The following PLXNA4 variants were observed in gnomAD, a reference collection of about 807,000 sequenced individuals.
The protein encoded by PLXNA4 is plexin-A4.
In PLXNA4, 44 loss-of-function variants were observed where a neutral mutation model predicts 191.8. The observed-to-expected ratio is 0.23, with a 90% CI of 0.18 to 0.29. The LOEUF (loss-of-function observed/expected upper bound fraction) is 0.29, where lower values mean the gene tolerates loss of function less well. Ranked by LOEUF, PLXNA4 falls within the 10% of genes least tolerant of loss-of-function variation. The pLI is 1.00. For missense variants in PLXNA4, 1,800 were observed against 2,488.8 expected, an observed-to-expected ratio of 0.72 and a Z score of 5.89; for synonymous variants, 1,082 against 1,009.5, an observed-to-expected ratio of 1.07 and a Z score of -1.36.
intron 21 of PLXNA4, among the ~76,000 whole-genome samples, chr7:132,170,400 T>C (rs1032263889): frequency 1.3e-5 from 2 of 152,072 alleles, no homozygotes; most frequent in Admixed American, 6.6e-5. Context: ...CCAGGGACCA[T>C]GATGTAAACT....
At chr7:132,323,255 A>T (rs1055713402) in intron 3 of PLXNA4, among the ~76,000 whole-genome samples, 15 of 152,236 alleles carry the variant, frequency 9.9e-5, no homozygotes, top group Admixed American at 9.2e-4. Flanking sequence ...CAACAGACAG[A>T]TGCCCTGGTG....
intron 1 of PLXNA4, among the ~76,000 whole-genome samples, chr7:132,548,480 C>T (rs1056893750): frequency 4.6e-5 from 7 of 152,114 alleles, no homozygotes; most frequent in South Asian, 2.1e-4. Context: ...CAGTGAGAGA[C>T]GCTGCCAGGC....
At chr7:132,641,632 C>T (rs536137714) in intron 2 of PLXNA4, among the ~76,000 whole-genome samples, 15 of 152,282 alleles carry the variant, frequency 9.9e-5, no homozygotes, top group African/African-American at 3.6e-4. Flanking sequence ...GTGATCTTAT[C>T]TTTCGAATAA....
chr7:132,559,729 A>G (rs991483381), intron 1 of PLXNA4, among the ~76,000 whole-genome samples: 2 of 152,246 alleles, frequency 1.3e-5, no homozygotes, highest in African/African-American at 2.4e-5. Flanking sequence ...TACATCTCCT[A>G]CAACAAATGA....
chr7:132,577,392 C>A, upstream of PLXNA4: 1 of 150,252 alleles, frequency 6.7e-6, no homozygotes, highest in South Asian at 2.0e-4. Context: ...CCCGCCCTCC[C>A]TGCTTCCCTT....
At chr7:132,353,604 T>A (rs1296752185) in intron 3 of PLXNA4, among the ~76,000 whole-genome samples, 2 of 152,152 alleles carry the variant, frequency 1.3e-5, no homozygotes, top group Non-Finnish European at 2.9e-5. Flanking sequence ...ATGTTGACTT[T>A]CCTGAAGCTC....
chr7:132,562,073 T>C (rs1441253993), intron 1 of PLXNA4, among the ~76,000 whole-genome samples: 77 of 58,146 alleles, frequency 1.3e-3, no homozygotes, highest in East Asian at 2.7e-3. Context: ...TCTCCTCCTC[T>C]TCCTCCTCCT....
chr7:132,228,294 G>A (rs1798400718), intron 6 of PLXNA4, 52 bp downstream of exon 6: 2 of 1,609,198 alleles, frequency 1.2e-6, no homozygotes, highest in Admixed American at 3.3e-5. Flanking sequence ...TTTAGTGAGG[G>A]GAGAGTTTTC....
intron 14 of PLXNA4, among the ~76,000 whole-genome samples, chr7:132,189,015 A>AG (rs1796995620): frequency 8.5e-5 from 7 of 82,056 alleles, no homozygotes; most frequent in Non-Finnish European, 1.0e-4. Context: ...AGAGAGAGAG[A>AG]GAGAGAGAGA....
intron 21 of PLXNA4, among the ~76,000 whole-genome samples, chr7:132,174,319 T>G (rs2116695301): frequency 6.6e-6 from 1 of 152,276 alleles, no homozygotes; most frequent in Admixed American, 6.5e-5. Flanking sequence ...TCATTCACAT[T>G]TCCACCCCAC....
chr7:132,258,002 G>A (rs964855615), intron 4 of PLXNA4, among the ~76,000 whole-genome samples: 3 of 152,252 alleles, frequency 2.0e-5, no homozygotes, highest in Non-Finnish European at 4.4e-5. Context: ...CTGAGATGGA[G>A]GGTGTAGCTG....
chr7:132,390,515 T>C (rs540964768), intron 3 of PLXNA4, among the ~76,000 whole-genome samples: 13 of 152,046 alleles, frequency 8.6e-5, no homozygotes, highest in South Asian at 4.2e-4. Flanking sequence ...TGTATACCTA[T>C]GTAACAAACC....
At chr7:132,635,552 G>A (rs953012632) in intron 2 of PLXNA4, among the ~76,000 whole-genome samples, 1 of 152,108 alleles carries the variant, frequency 6.6e-6, no homozygotes, top group Non-Finnish European at 1.5e-5. Flanking sequence ...AAAACAATGT[G>A]AGCTGACATT....
chr7:132,141,763 T>G (rs1157896228), intron 29 of PLXNA4, among the ~76,000 whole-genome samples: 1 of 152,144 alleles, frequency 6.6e-6, no homozygotes, highest in African/African-American at 2.4e-5. Flanking sequence ...GGAGTTTTGC[T>G]CTGTCACCCA....
intron 3 of PLXNA4, among the ~76,000 whole-genome samples, chr7:132,302,746 A>G (rs1801355491): frequency 6.6e-6 from 1 of 152,000 alleles, no homozygotes; most frequent in Non-Finnish European, 1.5e-5. Flanking sequence ...AAGACAGCCC[A>G]TGCCAGAAAG....
chr7:132,320,528 C>T (rs1342546852), intron 3 of PLXNA4, among the ~76,000 whole-genome samples: 2 of 152,228 alleles, frequency 1.3e-5, no homozygotes, highest in East Asian at 3.8e-4. Context: ...CTTCAGCTTT[C>T]CCTTTGGGGA....
Position 132,180,619 on chromosome 7 carries a change from C to A in PLXNA4, c.3606G>T (p.Glu1202Asp). The A allele has an allele frequency of 2.5e-6, 4 of 1,614,202 alleles. No homozygotes were observed. Among genetic ancestry groups the A allele is most frequent in the Non-Finnish European group, 3.4e-6 (4 of 1,180,036 alleles). ...VTVSDVQLLC[E>D]SPNLIGRHKV... ...TGTGCCTGCCGATGAGGTTGGGGGA[C>A]TCGCAGAGCAGCTGGACATCTGACA... Residue 1202 changes from glutamate to aspartate, a missense_variant, in exon 19 of 32, where the codon GAG becomes GAT. Glu to Asp is a conservative substitution (Grantham distance 45). Around this residue, in one of 6 missense-constraint regions of PLXNA4, gnomAD observed 1,397 missense variants for 1,880.4 expected, o/e 0.74. Coordinates refer to ENST00000321063, the MANE Select transcript of PLXNA4 (RefSeq NM_020911.2).
At chr7:132,235,865 G>A (rs1420043077) in intron 5 of PLXNA4, among the ~76,000 whole-genome samples, 1 of 152,188 alleles carries the variant, frequency 6.6e-6, no homozygotes, top group African/African-American at 2.4e-5. Flanking sequence ...GCGAAGGCAG[G>A]GTGGGCTTGT....
At chr7:132,539,499 T>C (rs1275594191) in intron 1 of PLXNA4, among the ~76,000 whole-genome samples, 1 of 152,174 alleles carries the variant, frequency 6.6e-6, no homozygotes, top group Non-Finnish European at 1.5e-5. Flanking sequence ...GTTCCAGCAA[T>C]CTGATTTTTC....
Sources: gnomAD v4.1 joint callset for allele counts (sites outside exome capture counted in the v4.1 genomes callset) on GRCh38, gnomAD v4.1.1 for gene constraint, gnomAD v4.1.1 regional missense constraint, MANE v1.5 for transcripts, NCBI Gene and HGNC (gene_info 2026-07-23, HGNC 2026-07-21) for gene names.